The following TTC3 variants were observed in gnomAD, a reference collection of about 807,000 sequenced individuals.
The protein encoded by TTC3 is E3 ubiquitin-protein ligase TTC3.
A neutral mutation model predicts 249.6 loss-of-function variants in TTC3; 180 were observed. The observed-to-expected ratio is 0.72, with a 90% confidence interval of 0.64 to 0.82. The LOEUF is 0.82. Ranked by LOEUF, TTC3 falls within the 40% of genes least tolerant of loss-of-function variation. TTC3 has a pLI of 0.00. For synonymous variants in TTC3, 717 were observed against 805.0 expected (o/e 0.89, Z 1.85); for missense variants, 2,061 against 2,398.4 (o/e 0.86, Z 2.94).
chr21:37,151,598 G>A (rs1467994655), intron 25 of TTC3, among the ~76,000 whole-genome samples: 1 of 152,166 alleles, frequency 6.6e-6, no homozygotes, highest in Non-Finnish European at 1.5e-5. Flanking sequence ...TTATTTTGCA[G>A]AGTAATTTGT....
Position 37,167,627 on chromosome 21 carries a change from C to T in TTC3, c.4467+7C>T, listed in dbSNP as rs1957214001. On this transcript the variant is annotated splice_region_variant and intron_variant, in intron 34 of 45. Coordinates refer to ENST00000355666, the Ensembl canonical transcript of TTC3. ...TCCTTTTGAGGAACGACAAGTGAGT[C>T]AAAATTACATTAAACTGTTTAAAGG... 6.2e-7 allele frequency: 1 copy of T among 1,603,076 alleles called. No homozygotes were observed. Among genetic ancestry groups the T allele is most frequent in the South Asian group, 1.1e-5 (1 of 90,398 alleles).
intron 10 of TTC3, among the ~76,000 whole-genome samples, chr21:37,107,116 G>C (rs1278373064): frequency 7.0e-6 from 1 of 142,490 alleles, no homozygotes; most frequent in Non-Finnish European, 1.5e-5. Flanking sequence ...AGTAGGTATT[G>C]ATATCTGGTA....
intron 1 of TTC3, chr21:37,083,425 G>T (rs758648468): frequency 2.1e-5 from 21 of 984,748 alleles, no homozygotes; most frequent in Non-Finnish European, 2.5e-5. Flanking sequence ...TTGAAGGCAA[G>T]TCTGACCAGT....
intron 18 of TTC3, among the ~76,000 whole-genome samples, chr21:37,137,160 T>G (rs1358283167): frequency 1.3e-5 from 2 of 152,222 alleles, no homozygotes; most frequent in Admixed American, 1.3e-4. Context: ...GAATGTTGTT[T>G]TCATGCCTGG....
chr21:37,140,305 C>T (rs1267261172), intron 19 of TTC3, among the ~76,000 whole-genome samples: 7 of 152,090 alleles, frequency 4.6e-5, no homozygotes, highest in Non-Finnish European at 8.8e-5. Flanking sequence ...GCCCTTAGTG[C>T]GTACTAGTAA....
In TTC3 at chr21:37,172,804, T is replaced by TAGCTGTGCTTGTGCGGCCTA; in HGVS notation, c.4617+79_4617+80insAAGCTGTGCTTGTGCGGCCT. The TAGCTGTGCTTGTGCGGCCTA allele has an allele frequency of 3.2e-6, 5 of 1,582,308 alleles. No individual in the cohort carries two copies. The South Asian group carries it at 5.9e-5, about 19-fold the overall frequency. The stretch of plus-strand genomic sequence containing the variant: ...TAGCATAGTTAGGAGAATGTGAGTG[T>TAGCTGTGCTTGTGCGGCCTA]AGCTGTGCTTGTGCGGCCTCAGCTG... On this transcript the variant is annotated intron_variant, in intron 35 of 45. Transcript: ENST00000355666.
At chr21:37,094,153 G>A (rs1314007288) in intron 8 of TTC3, 63 bp downstream of exon 8, 3 of 930,178 alleles carry the variant, frequency 3.2e-6, no homozygotes, top group African/African-American at 3.5e-5. Context: ...AACACTCAGA[G>A]GAAGTTAATA....
intron 20 of TTC3, among the ~76,000 whole-genome samples, chr21:37,140,995 ATTGT>A (rs1161836953): frequency 6.6e-6 from 1 of 152,166 alleles, no homozygotes; most frequent in Non-Finnish European, 1.5e-5. Context: ...TTAAAATCTG[ATTGT>A]TTAATTTTTT....
Position 37,191,425 on chromosome 21 carries a change from G to A in TTC3, c.5115+1G>A. ...TACAAAAGAAATTGAGAAAGCAAAG[G>A]TAAGTTGTAAACATCTTTTAATCCC... is the stretch of plus-strand genomic sequence containing the variant. On this transcript the variant is annotated splice_donor_variant, in intron 40 of 45. Coordinates refer to ENST00000355666, the Ensembl canonical transcript of TTC3. LOFTEE classifies it high-confidence loss of function. 6.4e-7 allele frequency: 1 copy of A among 1,555,124 alleles called. No homozygotes were observed. The highest frequency in any genetic ancestry group is 1.3e-5 in the South Asian group (1 of 79,764).
At chr21:37,077,540 T>C (rs1345464822) in intron 1 of TTC3, among the ~76,000 whole-genome samples, 2 of 152,356 alleles carry the variant, frequency 1.3e-5, no homozygotes, top group African/African-American at 4.8e-5. Flanking sequence ...TTTGTCTGTT[T>C]ATATACTTTG....
At chr21:37,077,932 A>C (rs1407982727) in intron 1 of TTC3, among the ~76,000 whole-genome samples, 1 of 152,184 alleles carries the variant, frequency 6.6e-6, no homozygotes, top group Non-Finnish European at 1.5e-5. Flanking sequence ...TGGGCTTATA[A>C]AGACATTCCT....
At chr21:37,083,793 G>C (rs996333072) in intron 1 of TTC3, 3 of 152,162 alleles carry the variant, frequency 2.0e-5, no homozygotes, top group Non-Finnish European at 2.9e-5. Flanking sequence ...TTCTAGTAGG[G>C]TCTAGAAGTC....
intron 9 of TTC3, 52 bp from the exon 10 acceptor site, chr21:37,096,529 A>C (rs1252283933): frequency 7.2e-7 from 1 of 1,386,356 alleles, no homozygotes; most frequent in Non-Finnish European, 1.0e-6. Context: ...CGTGATTTTT[A>C]TTTGTTTCAT....
At chr21:37,142,815 T>C (rs1476532152) in intron 20 of TTC3, among the ~76,000 whole-genome samples, 3 of 152,198 alleles carry the variant, frequency 2.0e-5, no homozygotes, top group Non-Finnish European at 2.9e-5. Flanking sequence ...AGAATAAAGC[T>C]GGAGGCATCA....
At chr21:37,185,850 A>G in intron 37 of TTC3, 76 bp downstream of exon 37, 2 of 753,868 alleles carry the variant, frequency 2.7e-6, no homozygotes, top group Non-Finnish European at 3.9e-6. Context: ...GTAGACTTTG[A>G]AATATATTGT....
intron 11 of TTC3, among the ~76,000 whole-genome samples, chr21:37,109,705 A>G (rs113877158): frequency 6.6e-6 from 1 of 152,238 alleles, no homozygotes; most frequent in Non-Finnish European, 1.5e-5. Context: ...ACAGCTTTGA[A>G]GAGAGTAGTG....
Position 37,087,238 on chromosome 21 carries a change from T to G in TTC3, c.-11-9T>G, listed in dbSNP as rs1159720655. The G allele has an allele frequency of 1.2e-6, 2 of 1,609,218 alleles. No homozygotes were observed. The highest frequency in any genetic ancestry group is 1.7e-6 in the Non-Finnish European group (2 of 1,178,558). Reference sequence around the variant, plus strand: ...TAATTACTGACTTGAGTTTGTGTTGTCTCCTTAGACTTGTGCACCATGGAC... The same window carrying G: ...TAATTACTGACTTGAGTTTGTGTTGGCTCCTTAGACTTGTGCACCATGGAC... On this transcript the variant is annotated splice_polypyrimidine_tract_variant and intron_variant, in intron 1 of 45. Transcript: ENST00000355666.
At chr21:37,113,233 A>T (rs2075831479) in intron 11 of TTC3, among the ~76,000 whole-genome samples, 1 of 152,338 alleles carries the variant, frequency 6.6e-6, no homozygotes, top group African/African-American at 2.4e-5. Context: ...CAATTAGGAA[A>T]AGAGGAAGTC....
chr21:37,186,599 G>T (rs2083313106), intron 37 of TTC3, among the ~76,000 whole-genome samples: 1 of 152,122 alleles, frequency 6.6e-6, no homozygotes, highest in African/African-American at 2.4e-5. Context: ...CACCACCATT[G>T]TATTTTTTGT....
Sources: allele counts gnomAD v4.1 joint callset (sites outside exome capture counted in the v4.1 genomes callset), GRCh38; gene constraint gnomAD v4.1.1; transcripts MANE v1.5; gene names NCBI Gene and HGNC (gene_info 2026-07-23, HGNC 2026-07-21).